The following CECR2 variants were observed in gnomAD, a reference collection of about 807,000 sequenced individuals.
CECR2 encodes the protein CECR2 histone acetyl-lysine reader.
Under a neutral mutation model 154.5 loss-of-function variants are expected in CECR2, and 30 were observed. That is an observed-to-expected ratio of 0.19 (90% CI 0.15 to 0.26). The LOEUF (loss-of-function observed/expected upper bound fraction) is 0.26. CECR2 is among the 10% of genes least tolerant of loss of function. The pLI, the probability that CECR2 is intolerant of heterozygous loss-of-function variation, is 1.00. For missense variants in CECR2, 1,743 were observed against 1,829.3 expected, an observed-to-expected ratio of 0.95 and a Z score of 0.86; for synonymous variants, 725 against 683.7, an observed-to-expected ratio of 1.06 and a Z score of -0.94.
intron 1 of CECR2, among the ~76,000 whole-genome samples, chr22:17,436,433 A>G (rs1167564599): frequency 1.3e-5 from 2 of 152,224 alleles, no homozygotes; most frequent in East Asian, 1.9e-4. Context: ...GACGGAAGAA[A>G]GACTTGGGTT....
At chr22:17,546,257 G>A (rs2147048550) in intron 16 of CECR2, among the ~76,000 whole-genome samples, 1 of 152,158 alleles carries the variant, frequency 6.6e-6, no homozygotes, top group South Asian at 2.1e-4. Flanking sequence ...GGAGGCCGAG[G>A]CGGGTGGATC....
intron 1 of CECR2, among the ~76,000 whole-genome samples, chr22:17,387,855 A>AT (rs928786289): frequency 1.3e-5 from 2 of 151,260 alleles, no homozygotes; most frequent in African/African-American, 4.9e-5. Context: ...AACCAGAACA[A>AT]TTTTTTTTTC....
chr22:17,528,469 T>C (rs985994643), intron 9 of CECR2, among the ~76,000 whole-genome samples: 4 of 152,132 alleles, frequency 2.6e-5, no homozygotes, highest in African/African-American at 7.2e-5. Context: ...AAAATAGTTA[T>C]TATGAATGAA....
At chr22:17,469,696 T>G (rs2055093032) in intron 1 of CECR2, among the ~76,000 whole-genome samples, 1 of 152,128 alleles carries the variant, frequency 6.6e-6, no homozygotes, top group Admixed American at 6.5e-5. Flanking sequence ...TCTTCTTGAT[T>G]GGATTTCAAG....
In CECR2 at chr22:17,423,724, A is replaced by C. The variant is rs185515038; in HGVS notation, c.126+53815A>C. Among the ~76,000 whole-genome samples, 223 of 152,250 alleles carry C rather than the reference A, an allele frequency of 1.5e-3. 1 individual carries two copies. The highest frequency in any genetic ancestry group is 5.2e-3 in the African/African-American group (217 of 41,540). On this transcript the variant is annotated intron_variant, in intron 1 of 18. Coordinates refer to ENST00000262608, the MANE Select transcript of CECR2 (RefSeq NM_001290047.2). Reference sequence around the variant, plus strand: ...CTCTCAGATTTGTTCACCCTGAGGCACTGGTTCCCTTGTAGGTTTCTTCTC... The same window carrying C: ...CTCTCAGATTTGTTCACCCTGAGGCCCTGGTTCCCTTGTAGGTTTCTTCTC...
At chr22:17,528,314 A>C (rs2146979148) in intron 9 of CECR2, among the ~76,000 whole-genome samples, 1 of 152,324 alleles carries the variant, frequency 6.6e-6, no homozygotes, top group Non-Finnish European at 1.5e-5. Context: ...ACAGAAAGAC[A>C]AACATTGGAT....
chr22:17,479,532 C>T lies in CECR2; in HGVS notation c.221+1850C>T, dbSNP rs146107536. On this transcript the variant is annotated intron_variant, in intron 2 of 18. Transcript: ENST00000262608. ...AAGTGACTTGTGAACTGAGCCTTCA[C>T]ATATGGGCTGTTTTCTCTCATAGGA... is the stretch of plus-strand genomic sequence containing the variant. Among the ~76,000 whole-genome samples, 992 of 152,276 alleles carry T rather than the reference C, an allele frequency of 6.5e-3. 5 individuals carry two copies. Among genetic ancestry groups the T allele is most frequent in the African/African-American group, 0.023 (969 of 41,568 alleles).
intron 14 of CECR2, among the ~76,000 whole-genome samples, chr22:17,541,232 G>A (rs933961505): frequency 2.0e-5 from 3 of 152,162 alleles, no homozygotes; most frequent in South Asian, 2.1e-4. Flanking sequence ...TGAGGTGGGC[G>A]ATCACGAGGT....
At chr22:17,402,630 T>A (rs914204803) in intron 1 of CECR2, among the ~76,000 whole-genome samples, 1 of 152,232 alleles carries the variant, frequency 6.6e-6, no homozygotes, top group Non-Finnish European at 1.5e-5. Flanking sequence ...TAATCTCTTA[T>A]AATCATGGTA....
At position 17,552,990 on chromosome 22, in the gene CECR2, T is replaced by C; in HGVS notation, c.*150T>C. The C allele has an allele frequency of 1.4e-6, 2 of 1,463,590 alleles. No homozygotes were observed. The highest frequency in any genetic ancestry group is 1.8e-6 in the Non-Finnish European group (2 of 1,110,184). The allele number at this position is 1,463,590 out of a possible 1,614,324, so 90.7% of individuals were successfully genotyped here. A position where few individuals can be genotyped will look rare whatever the true frequency, so the allele number is the denominator to read the frequency against. ...CGTGCCATACTTGAGCTGGAGCCAG[T>C]CACGGGCCCTAAAAGGACACTCCTT... On this transcript the variant is annotated 3_prime_UTR_variant, in exon 19 of 19. Coordinates refer to ENST00000262608, the MANE Select transcript of CECR2 (RefSeq NM_001290047.2).
intron 16 of CECR2, among the ~76,000 whole-genome samples, chr22:17,545,047 G>C (rs1263987653): frequency 6.6e-6 from 1 of 152,020 alleles, no homozygotes; most frequent in Admixed American, 6.6e-5. Flanking sequence ...ATGGCCAATA[G>C]TGAGATCTAG....
chr22:17,370,894 GT>G (rs2063052804), intron 1 of CECR2, among the ~76,000 whole-genome samples: 1 of 152,202 alleles, frequency 6.6e-6, no homozygotes, highest in African/African-American at 2.4e-5. Flanking sequence ...GGCAATATGT[GT>G]CGTGACTTTT....
At position 17,548,350 on chromosome 22, in the gene CECR2, C is replaced by A. The variant is rs1304439829; in HGVS notation, c.3063C>A (p.Gly1021=). 1 of 1,612,284 alleles carries A rather than the reference C, an allele frequency of 6.2e-7. No individual in the cohort carries two copies. Among genetic ancestry groups the A allele is most frequent in the Non-Finnish European group, 8.5e-7 (1 of 1,179,254 alleles). ...ESADNCKAMK[G]KNPWPSDSSY... ...CGGACAACTGTAAAGCAATGAAGGG[C>A]AAGAATCCCTGGCCCTCGGATAGCA... Residue 1021 remains glycine (G), a synonymous_variant, in exon 17 of 19, where the codon GGC becomes GGA. Transcript: ENST00000262608.
chr22:17,482,636 C>T (rs555464896), intron 2 of CECR2, among the ~76,000 whole-genome samples: 96 of 152,092 alleles, frequency 6.3e-4, no homozygotes, highest in African/African-American at 2.1e-3. Flanking sequence ...TGGTCTCAAA[C>T]GATCTTCCCA....
rs774240844 is a variant in CECR2 at position 17,540,711 on chromosome 22, C to T, written c.1795C>T (p.Arg599Trp). ...DQSSSSTQPP[R>W]EVGTSNGRGF... ...GAGCAGCAGCTCCACACAGCCCCCGCGGGAGGTGGGCACTTCCAATGGCCG... is the reference window on the plus strand; with the variant it reads ...GAGCAGCAGCTCCACACAGCCCCCGTGGGAGGTGGGCACTTCCAATGGCCG... The change falls in exon 14 of 19, where the codon CGG becomes TGG. Residue 599 changes from arginine to tryptophan, a missense_variant. Arg to Trp is a moderately radical substitution (Grantham distance 101, BLOSUM62 -3). This residue lies in a region of CECR2 where 1,250 missense variants were observed against 1,192.1 expected (regional missense o/e 1.05). Transcript: ENST00000262608. 13 of 1,613,180 alleles carry T rather than the reference C, an allele frequency of 8.1e-6. No homozygotes were observed. The highest frequency in any genetic ancestry group is 6.7e-5 in the East Asian group (3 of 44,878).
chr22:17,409,165 A>G (rs1412243482), intron 1 of CECR2, among the ~76,000 whole-genome samples: 1 of 150,318 alleles, frequency 6.7e-6, no homozygotes, highest in Non-Finnish European at 1.5e-5. Context: ...ACGGAGTCTC[A>G]CTCTGTCACC....
At chr22:17,371,552 C>T (rs1490093539) in intron 1 of CECR2, among the ~76,000 whole-genome samples, 1 of 152,192 alleles carries the variant, frequency 6.6e-6, no homozygotes, top group Non-Finnish European at 1.5e-5. Context: ...GGATGTTTCT[C>T]AGTTACTCTG....
intron 1 of CECR2, among the ~76,000 whole-genome samples, chr22:17,395,743 A>T (rs912588644): frequency 6.6e-6 from 1 of 152,192 alleles, no homozygotes; most frequent in Non-Finnish European, 1.5e-5. Flanking sequence ...AAATTTTGTA[A>T]TATTGTCTAA....
At chr22:17,427,630 G>T (rs1472427655) in intron 1 of CECR2, among the ~76,000 whole-genome samples, 2 of 152,126 alleles carry the variant, frequency 1.3e-5, no homozygotes, top group Non-Finnish European at 2.9e-5. Context: ...GTGAGCAGCA[G>T]CAAGATTTAT....
Sources: allele counts gnomAD v4.1 joint callset (sites outside exome capture counted in the v4.1 genomes callset), GRCh38; gene constraint gnomAD v4.1.1; regional missense constraint gnomAD v4.1.1; transcripts MANE v1.5; gene names NCBI Gene and HGNC (gene_info 2026-07-23, HGNC 2026-07-21).